The following RASD2 variants were observed in gnomAD, a reference collection of about 807,000 sequenced individuals.
The protein encoded by RASD2 is GTP-binding protein Rhes.
A neutral mutation model predicts 15.8 loss-of-function variants in RASD2; 7 were observed. The ratio of observed to expected loss-of-function variants is 0.44; its 90% confidence interval spans 0.25 to 0.83. The LOEUF is 0.83. Among genes scored for constraint, RASD2 ranks in the 40% least tolerant of loss-of-function variants. The probability of loss-of-function intolerance (pLI) is 0.20; values close to 1 mark genes in which losing one functional copy is unlikely to be tolerated. For missense variants in RASD2, 274 were observed against 382.8 expected, an observed-to-expected ratio of 0.72 and a Z score of 2.37; for synonymous variants, 155 against 153.6, an observed-to-expected ratio of 1.01 and a Z score of -0.07.
upstream of RASD2, among the ~76,000 whole-genome samples, chr22:35,539,833 G>A (rs1934297719): frequency 1.3e-5 from 2 of 152,244 alleles, no homozygotes; most frequent in South Asian, 2.1e-4. Flanking sequence ...ATATGGCCCA[G>A]TGAGAAGGCC....
Position 35,553,972 on chromosome 22 carries a change from C to T in RASD2, c.*1940C>T, listed in dbSNP as rs1934746464. 1.3e-5 allele frequency: 2 copies of T among 152,802 alleles called. No individual in the cohort carries two copies. Among genetic ancestry groups the T allele is most frequent in the African/African-American group, 4.8e-5 (2 of 41,466 alleles). The allele number at this position is 152,802 out of a possible 1,614,324, so 9.5% of individuals were successfully genotyped here. A position where few individuals can be genotyped will look rare whatever the true frequency, so the allele number is the denominator to read the frequency against. On this transcript the variant is annotated 3_prime_UTR_variant, in exon 3 of 3. Coordinates refer to ENST00000216127, the MANE Select transcript of RASD2 (RefSeq NM_014310.4). Reference sequence around the variant, plus strand: ...CCGCCACCATGGATCTCCGTGTACACTATCAATAAAAGTGGGTTTGTTACA... The same window carrying T: ...CCGCCACCATGGATCTCCGTGTACATTATCAATAAAAGTGGGTTTGTTACA...
upstream of RASD2, among the ~76,000 whole-genome samples, chr22:35,536,743 C>A (rs1934252752): frequency 6.6e-6 from 1 of 152,204 alleles, no homozygotes; most frequent in African/African-American, 2.4e-5. Context: ...ACCAGGAGGG[C>A]TGGTTAAAAC....
upstream of RASD2, among the ~76,000 whole-genome samples, chr22:35,540,268 G>A (rs1601808921): frequency 6.6e-6 from 1 of 152,026 alleles, no homozygotes; most frequent in South Asian, 2.1e-4. Flanking sequence ...GTGTGAGCGC[G>A]TGCGCAGACG....
At chr22:35,547,165 C>T (rs2145873578) in intron 2 of RASD2, 85 bp downstream of exon 2, 2 of 1,418,366 alleles carry the variant, frequency 1.4e-6, no homozygotes. Flanking sequence ...TTTGCATAGA[C>T]TTGCATAGCC....
chr22:35,546,806 A>G lies in RASD2; in HGVS notation c.-4A>G. The stretch of plus-strand genomic sequence containing the variant: ...CTTCTCTCGCTTTGTTGCAGCCCCG[A>G]GCCATGATGAAGACTTTGTCCAGCG... On this transcript the variant is annotated 5_prime_UTR_variant, in exon 2 of 3. Transcript: ENST00000216127. 6.2e-7 allele frequency: 1 copy of G among 1,612,618 alleles called. No homozygotes were observed. Among genetic ancestry groups the G allele is most frequent in the Non-Finnish European group, 8.5e-7 (1 of 1,179,208 alleles).
At chr22:35,545,492 G>A (rs1176433162) in intron 1 of RASD2, among the ~76,000 whole-genome samples, 1 of 152,180 alleles carries the variant, frequency 6.6e-6, no homozygotes, top group Non-Finnish European at 1.5e-5. Context: ...GCCCCCACTT[G>A]CCCACCCAGC....
At chr22:35,538,458 G>C (rs76224707), upstream of RASD2, among the ~76,000 whole-genome samples, 7 of 152,128 alleles carry the variant, frequency 4.6e-5, no homozygotes, top group Non-Finnish European at 1.0e-4. Context: ...GGGTGGGGAG[G>C]GGGGAAGGGG....
At chr22:35,537,912 C>T (rs111637934), upstream of RASD2, among the ~76,000 whole-genome samples, 4 of 150,962 alleles carry the variant, frequency 2.6e-5, no homozygotes, top group Admixed American at 6.6e-5. Context: ...AGGCCTTGTT[C>T]GCTAGGATAA....
rs79432923 is a variant in RASD2, at chr22:35,543,611, C to T, written c.-10+2111C>T. 2.8e-3 allele frequency among the ~76,000 whole-genome samples: 433 copies of T among 152,320 alleles called. 1 individual carries two copies. The highest frequency in any genetic ancestry group is 9.6e-3 in the African/African-American group (398 of 41,558). On this transcript the variant is annotated intron_variant, in intron 1 of 2. Transcript: ENST00000216127. ...GGAAGAAAGATGTGGAGGCAGGAGG[C>T]GGAGCCCACAGAGGCACTGTCCCCT...
At chr22:35,544,474 C>T (rs921846641) in intron 1 of RASD2, among the ~76,000 whole-genome samples, 2 of 152,256 alleles carry the variant, frequency 1.3e-5, no homozygotes, top group Admixed American at 1.3e-4. Flanking sequence ...GTGGTTGAGG[C>T]TGAGGAGAGA....
At chr22:35,549,334 C>T (rs1201996230) in intron 2 of RASD2, among the ~76,000 whole-genome samples, 1 of 152,070 alleles carries the variant, frequency 6.6e-6, no homozygotes, top group Non-Finnish European at 1.5e-5. Context: ...TTTCACACAC[C>T]AACCCGTGCC....
At chr22:35,534,311 C>T in the RASD2 span, among the ~76,000 whole-genome samples, 10 of 152,204 alleles carry the variant, frequency 6.6e-5, no homozygotes, top group East Asian at 1.9e-4. Context: ...CTGCTGTATC[C>T]GAGAGCAGAT....
chr22:35,540,545 C>T (rs1403963999), upstream of RASD2, among the ~76,000 whole-genome samples: 1 of 151,512 alleles, frequency 6.6e-6, no homozygotes, highest in Non-Finnish European at 1.5e-5. Flanking sequence ...GCCGAAGGAG[C>T]AGGTGGGCGA....
chr22:35,553,450 A>G lies in RASD2; in HGVS notation c.*1418A>G, dbSNP rs906896271. On this transcript the variant is annotated 3_prime_UTR_variant, in exon 3 of 3. Coordinates refer to ENST00000216127, the MANE Select transcript of RASD2 (RefSeq NM_014310.4). Reference sequence around the variant, plus strand: ...TTTGTATTTTAATCTCTCTAAACATATTGAAGTTTTAGGGCCCTAAGGAAC... The same window carrying G: ...TTTGTATTTTAATCTCTCTAAACATGTTGAAGTTTTAGGGCCCTAAGGAAC... The G allele has an allele frequency of 6.6e-6, 1 of 152,526 alleles. No homozygotes were observed. The highest frequency in any genetic ancestry group is 2.4e-5 in the African/African-American group (1 of 41,440). The allele number at this position is 152,526 out of a possible 1,614,324, so 9.4% of individuals were successfully genotyped here.
At chr22:35,534,532 T>C in the RASD2 span, among the ~76,000 whole-genome samples, 5 of 152,204 alleles carry the variant, frequency 3.3e-5, no homozygotes, top group Non-Finnish European at 5.9e-5. Flanking sequence ...ATGGTCTTCA[T>C]TGTGATTGCA....
intron 1 of RASD2, 136 bp from the exon 2 acceptor site, chr22:35,546,665 A>C (rs1934510388): frequency 8.4e-7 from 1 of 1,193,368 alleles, no homozygotes; most frequent in Non-Finnish European, 1.1e-6. Flanking sequence ...GAACTCCAAG[A>C]CCCCTTAGAA....
At chr22:35,547,254 G>A (rs115672247) in intron 2 of RASD2, among the ~76,000 whole-genome samples, 174 bp downstream of exon 2, 2 of 152,208 alleles carry the variant, frequency 1.3e-5, no homozygotes, top group African/African-American at 4.8e-5. Flanking sequence ...TGATGAAGTC[G>A]GGGGCCCCGA....
At chr22:35,541,985 G>C (rs1013396601) in intron 1 of RASD2, among the ~76,000 whole-genome samples, 9 of 152,190 alleles carry the variant, frequency 5.9e-5, no homozygotes, top group Admixed American at 2.0e-4. Flanking sequence ...TTCTGGGTTG[G>C]TGCAGAGTGA....
chr22:35,550,712 G>A (rs1934640464), intron 2 of RASD2, among the ~76,000 whole-genome samples: 2 of 152,226 alleles, frequency 1.3e-5, no homozygotes, highest in East Asian at 1.9e-4. Flanking sequence ...GCACGAGCTA[G>A]GTGAGAACAG....
Sources: gnomAD v4.1 joint callset for allele counts (sites outside exome capture counted in the v4.1 genomes callset) on GRCh38, gnomAD v4.1.1 for gene constraint, MANE v1.5 for transcripts, NCBI Gene and HGNC (gene_info 2026-07-23, HGNC 2026-07-21) for gene names.